Variants in SNX17 observed in about 807,000 individuals in gnomAD.
The protein encoded by SNX17 is sorting nexin 17.
Under a neutral mutation model 64.3 loss-of-function variants are expected in SNX17, and 35 were observed. That is an observed-to-expected ratio of 0.54 (90% confidence interval 0.42 to 0.72). The LOEUF (loss-of-function observed/expected upper bound fraction) is 0.72, where lower values mean the gene tolerates loss of function less well. Ranked by LOEUF, SNX17 falls within the 30% of genes least tolerant of loss-of-function variation. SNX17 has a pLI of 0.00. For synonymous variants in SNX17, 259 were observed against 230.2 expected, an observed-to-expected ratio of 1.13 and a Z score of -1.13; for missense variants, 538 against 610.0, an observed-to-expected ratio of 0.88 and a Z score of 1.24.
intron 7 of SNX17, 53 bp from the exon 8 acceptor site, chr2:27,374,636 T>C: frequency 1.3e-6 from 2 of 1,560,472 alleles, no homozygotes; most frequent in Non-Finnish European, 1.8e-6. Flanking sequence ...ATTCTACCTC[T>C]TGCCTTAACC....
rs1341919642 is a variant in SNX17 at position 27,377,045 on chromosome 2, G to C, written c.*326G>C. On this transcript the variant is annotated 3_prime_UTR_variant, in exon 15 of 15. Transcript: ENST00000233575. This position sits in a 1 kb window ranked among gnomAD's most constrained non-coding sequence, Gnocchi z 4.4. ...CCGCTTCTGGCCTCTTGGAGCCATG[G>C]GCCAAAGGCCAAGGGGATGGGCAGA... The C allele has an allele frequency of 2.4e-6, 1 of 414,566 alleles. No homozygotes were observed. The highest frequency in any genetic ancestry group is 5.4e-5 in the East Asian group (1 of 18,632). The allele number at this position is 414,566 out of a possible 1,614,324, so 25.7% of individuals were successfully genotyped here. A position where few individuals can be genotyped will look rare whatever the true frequency, so the allele number is the denominator to read the frequency against.
At position 27,375,737 on chromosome 2, in the gene SNX17, C is replaced by T; in HGVS notation, c.978+28C>T. ...GAGTCGGGTTAGGAGGGGGAAGGGC[C>T]TGGGTTGGGGGCCCGGCAAGCCTTG... On this transcript the variant is annotated intron_variant, in intron 10 of 14. Transcript: ENST00000233575. The surrounding 1 kb of genome is among the most constrained non-coding windows in gnomAD (Gnocchi z 4.1). 6.2e-7 allele frequency: 1 copy of T among 1,612,792 alleles called. No homozygotes were observed. The highest frequency in any genetic ancestry group is 8.5e-7 in the Non-Finnish European group (1 of 1,179,570).
Position 27,375,543 on chromosome 2 carries a change from A to G in SNX17, c.812A>G (p.Tyr271Cys). ...GCCCAGACGCTGCGGCACTATGGCTACTTGCGCTTTGATGCCTGTGTGGCT... is the reference window on the plus strand; with the variant it reads ...GCCCAGACGCTGCGGCACTATGGCTGCTTGCGCTTTGATGCCTGTGTGGCT... ...RLAQTLRHYG[Y>C]LRFDACVADF... The change falls in exon 10 of 15, where the codon TAC becomes TGC. Residue 271 changes from tyrosine to cysteine, a missense_variant. Tyr to Cys is a radical substitution (Grantham distance 194). Coordinates refer to ENST00000233575, the MANE Select transcript of SNX17 (RefSeq NM_014748.4). This position sits in a 1 kb window ranked among gnomAD's most constrained non-coding sequence, Gnocchi z 4.1. 1.2e-6 allele frequency: 2 copies of G among 1,614,126 alleles called. No homozygotes were observed. Among genetic ancestry groups the G allele is most frequent in the Non-Finnish European group, 1.7e-6 (2 of 1,180,018 alleles).
At chr2:27,373,638 C>T (rs542866628) in intron 4 of SNX17, among the ~76,000 whole-genome samples, 7 of 152,282 alleles carry the variant, frequency 4.6e-5, no homozygotes, top group Non-Finnish European at 7.4e-5. Flanking sequence ...GCTGGGATTA[C>T]GGGTGTGAGC....
intron 1 of SNX17, 24 bp downstream of exon 1, chr2:27,370,830 C>A (rs1208496434): frequency 2.0e-6 from 3 of 1,536,760 alleles, no homozygotes; most frequent in Non-Finnish European, 1.7e-6. Flanking sequence ...GGAGCCGAGC[C>A]GGGCCGGGCA....
Position 27,375,823 on chromosome 2 carries a change from C to T in SNX17, c.979-23C>T. ...GACAGGTTGGTCAGAGTGAACTCAA[C>T]CGAATTCCCCTTCCTCTCCCAGGTA... On this transcript the variant is annotated intron_variant, in intron 10 of 14. Coordinates refer to ENST00000233575, the MANE Select transcript of SNX17 (RefSeq NM_014748.4). This position sits in a 1 kb window ranked among gnomAD's most constrained non-coding sequence, Gnocchi z 4.1. The T allele has an allele frequency of 6.2e-7, 1 of 1,612,694 alleles. No homozygotes were observed.
chr2:27,370,726 T>C lies in SNX17; in HGVS notation c.-18T>C, dbSNP rs1394569619. On this transcript the variant is annotated 5_prime_UTR_variant, in exon 1 of 15. Transcript: ENST00000233575. ...GCCCTCACAGTCCGGAGCCCGGCCG[T>C]GCCGTGCCGTAGGGAACATGCACTT... The C allele has an allele frequency of 1.3e-6, 2 of 1,545,028 alleles. No homozygotes were observed. The highest frequency in any genetic ancestry group is 3.9e-5 in the Admixed American group (2 of 50,706).
At chr2:27,371,601 C>G in intron 2 of SNX17, 1 of 554,358 alleles carries the variant, frequency 1.8e-6, no homozygotes. Flanking sequence ...TAGCCTTTAC[C>G]CCTGCATGGA....
Position 27,375,592 on chromosome 2 carries a change from T to C in SNX17, c.861T>C (p.Pro287=). 6.2e-7 allele frequency: 1 copy of C among 1,614,212 alleles called. No homozygotes were observed. Among genetic ancestry groups the C allele is most frequent in the Non-Finnish European group, 8.5e-7 (1 of 1,180,034 alleles). The change falls in exon 10 of 15, where the codon CCT becomes CCC. Residue 287 remains proline (P), a synonymous_variant. Coordinates refer to ENST00000233575, the MANE Select transcript of SNX17 (RefSeq NM_014748.4). The surrounding 1 kb of genome is among the most constrained non-coding windows in gnomAD (Gnocchi z 4.1). The stretch of plus-strand genomic sequence containing the variant: ...CTGACTTCCCAGAAAAGGACTGTCC[T>C]GTGGTGGTGAGCGCGGGCAACAGTG... ...CVADFPEKDC[P]VVVSAGNSEL...
intron 2 of SNX17, chr2:27,371,563 G>A: frequency 2.0e-6 from 2 of 1,009,360 alleles, no homozygotes; most frequent in Non-Finnish European, 2.6e-6. Context: ...CTTATATTCT[G>A]GTTTTCTGTC....
At position 27,376,820 on chromosome 2, in the gene SNX17, C is replaced by G; in HGVS notation, c.*101C>G. 1 of 958,558 alleles carries G rather than the reference C, an allele frequency of 1.0e-6. No homozygotes were observed. The highest frequency in any genetic ancestry group is 1.6e-6 in the Non-Finnish European group (1 of 623,152). 59.4% of individuals were successfully genotyped at this position (958,558 alleles called of 1,614,324 possible). On this transcript the variant is annotated 3_prime_UTR_variant, in exon 15 of 15. Coordinates refer to ENST00000233575, the MANE Select transcript of SNX17 (RefSeq NM_014748.4). ...CTAGGGGCGGAGGGGTCTTTTCCTTCTTCTTTCCTACCTACCCCTTTTCTC... is the reference window on the plus strand; with the variant it reads ...CTAGGGGCGGAGGGGTCTTTTCCTTGTTCTTTCCTACCTACCCCTTTTCTC...
chr2:27,375,466 C>G lies in SNX17; in HGVS notation c.775-40C>G. The G allele has an allele frequency of 6.2e-7, 1 of 1,610,554 alleles. No homozygotes were observed. Among genetic ancestry groups the G allele is most frequent in the Non-Finnish European group, 8.5e-7 (1 of 1,177,632 alleles). On this transcript the variant is annotated intron_variant, in intron 9 of 14. Coordinates refer to ENST00000233575, the MANE Select transcript of SNX17 (RefSeq NM_014748.4). This position sits in a 1 kb window ranked among gnomAD's most constrained non-coding sequence, Gnocchi z 4.1. ...GTTGCTTTTTCTGAGCTGCCCCATT[C>G]TCCCTCCTAATCTACCCCCATGTGA...
At chr2:27,374,790 C>T (rs1219458068) in intron 8 of SNX17, 32 bp downstream of exon 8, 2 of 1,602,992 alleles carry the variant, frequency 1.2e-6, no homozygotes, top group Middle Eastern at 1.7e-4. Flanking sequence ...AACCCTTCCC[C>T]TGAAGAAAAT....
intron 7 of SNX17, 97 bp downstream of exon 7, chr2:27,374,530 G>A: frequency 1.5e-6 from 2 of 1,291,826 alleles, no homozygotes; most frequent in East Asian, 2.3e-5. Flanking sequence ...ACAAGGGGGT[G>A]TAGTGCTGGG....
In SNX17 at chr2:27,375,531, G is replaced by A. The variant is rs371413421; in HGVS notation, c.800G>A (p.Arg267Gln). ...KEFLRLAQTL[R>Q]HYGYLRFDAC... ...TTCCTGAGACTGGCCCAGACGCTGC[G>A]GCACTATGGCTACTTGCGCTTTGAT... The change falls in exon 10 of 15, where the codon CGG becomes CAG. Residue 267 changes from arginine (R) to glutamine (Q), a missense_variant. By Grantham distance (43) the Arg-to-Gln change is conservative (BLOSUM62 1). This residue lies in a region of SNX17 where 505 missense variants were observed against 550.4 expected (regional missense o/e 0.92). Coordinates refer to ENST00000233575, the MANE Select transcript of SNX17 (RefSeq NM_014748.4). This position sits in a 1 kb window ranked among gnomAD's most constrained non-coding sequence, Gnocchi z 4.1. 10 of 1,613,970 alleles carry A rather than the reference G, an allele frequency of 6.2e-6. No homozygotes were observed. The highest frequency in any genetic ancestry group is 4.0e-5 in the African/African-American group (3 of 74,918).
At chr2:27,371,420 C>T in intron 2 of SNX17, 77 bp downstream of exon 2, 1 of 1,521,090 alleles carries the variant, frequency 6.6e-7, no homozygotes, top group Non-Finnish European at 8.8e-7. Flanking sequence ...CCTTTACCCG[C>T]TCTTCTTGTT....
chr2:27,370,857 G>A (rs1318767113), intron 1 of SNX17, 51 bp downstream of exon 1: 2 of 1,520,036 alleles, frequency 1.3e-6, no homozygotes, highest in East Asian at 2.5e-5. Flanking sequence ...GGGATAACGG[G>A]CCCGAGCCAT....
At position 27,377,257 on chromosome 2, in the gene SNX17, T is replaced by C. The variant is rs539657577; in HGVS notation, c.*538T>C. The C allele has an allele frequency of 2.6e-5, 15 of 579,168 alleles. No individual in the cohort carries two copies. The highest frequency in any genetic ancestry group is 2.5e-4 in the South Asian group (13 of 51,808). 35.9% of individuals were successfully genotyped at this position (579,168 alleles called of 1,614,324 possible). A position where few individuals can be genotyped will look rare whatever the true frequency, so the allele number is the denominator to read the frequency against. Reference sequence around the variant, plus strand: ...GGCTTTGTTAGTGTTTCCTTTATTATAAAGCACTGAAATAAGTTAAATAAA... The same window carrying C: ...GGCTTTGTTAGTGTTTCCTTTATTACAAAGCACTGAAATAAGTTAAATAAA... On this transcript the variant is annotated 3_prime_UTR_variant, in exon 15 of 15. Coordinates refer to ENST00000233575, the MANE Select transcript of SNX17 (RefSeq NM_014748.4). This position sits in a 1 kb window ranked among gnomAD's most constrained non-coding sequence, Gnocchi z 4.4.
intron 3 of SNX17, 109 bp downstream of exon 3, chr2:27,372,849 C>G: frequency 1.4e-6 from 2 of 1,444,322 alleles, no homozygotes; most frequent in Non-Finnish European, 1.9e-6. Flanking sequence ...TCTAGGAAGG[C>G]TCTTGTTTGA....
Sources: gnomAD v4.1 joint callset for allele counts (sites outside exome capture counted in the v4.1 genomes callset) on GRCh38, gnomAD v4.1.1 for gene constraint, gnomAD v4.1.1 regional missense constraint, Gnocchi (gnomAD v3.1) non-coding constraint, MANE v1.5 for transcripts, NCBI Gene and HGNC (gene_info 2026-07-23, HGNC 2026-07-21) for gene names.